BMF: variants seen among roughly 807,000 people sequenced by gnomAD.
BMF encodes bcl-2-modifying factor.
In BMF, 10 loss-of-function variants were observed where a neutral mutation model predicts 22.0. The ratio of observed to expected loss-of-function variants is 0.45; its 90% CI spans 0.28 to 0.77. The LOEUF is 0.77. Among genes scored for constraint, BMF ranks in the 30% least tolerant of loss-of-function variants. BMF has a pLI of 0.13. For missense variants in BMF, 206 were observed against 226.8 expected, an observed-to-expected ratio of 0.91 and a Z score of 0.59; for synonymous variants, 87 against 88.1, an observed-to-expected ratio of 0.99 and a Z score of 0.07.
At chr15:40,108,640 T>G (rs937726284) in intron 1 of BMF, 133 bp downstream of exon 1, 3 of 152,498 alleles carry the variant, frequency 2.0e-5, no homozygotes, top group African/African-American at 7.2e-5. Flanking sequence ...GCCCCAGTTC[T>G]TCATGGTCAC....
rs2036584070 is a variant in BMF, at chr15:40,106,182, CCTT to C, written c.-5-94_-5-92del. On this transcript the variant is annotated intron_variant, in intron 2 of 4. Coordinates refer to ENST00000354670, the MANE Select transcript of BMF (RefSeq NM_001003940.2). The surrounding 1 kb of genome is among the most constrained non-coding windows in gnomAD (Gnocchi z 4.1). Reference sequence around the variant, plus strand: ...CTTCCCTTCTTCCTACCATACTCCCCCTTCTTATTTGAGCTGGCCGGACCACAT... The same window carrying C: ...CTTCCCTTCTTCCTACCATACTCCCCCTTATTTGAGCTGGCCGGACCACAT... The C allele has an allele frequency of 7.1e-7, 1 of 1,416,548 alleles. No individual in the cohort carries two copies. 87.7% of individuals were successfully genotyped at this position (1,416,548 alleles called of 1,614,324 possible).
rs752205382 is a variant in BMF at position 40,105,798 on chromosome 15, A to T, written c.289T>A (p.Tyr97Asn). 6.2e-6 allele frequency: 10 copies of T among 1,604,934 alleles called. No individual in the cohort carries two copies. In the Admixed American group the frequency reaches 6.7e-5, roughly 11 times the overall value. Residue 97 changes from tyrosine (Y) to asparagine (N), a missense_variant, in exon 3 of 5, where the codon TAT becomes AAT. Coordinates refer to ENST00000354670, the MANE Select transcript of BMF (RefSeq NM_001003940.2). Reference sequence around the variant, plus strand: ...TCTTGAGGCTGAGAGCACTCACCATAAAAGAGTCGCTGGGGTTCCTCAGTC... The same window carrying T: ...TCTTGAGGCTGAGAGCACTCACCATTAAAGAGTCGCTGGGGTTCCTCAGTC... ...GVTEEPQRLF[Y>N]GNAGYRLPLP...
rs368911979 is a variant in BMF at position 40,092,440 on chromosome 15, C to T, written c.454-552G>A. On this transcript the variant is annotated intron_variant, in intron 4 of 4. Coordinates refer to ENST00000354670, the MANE Select transcript of BMF (RefSeq NM_001003940.2). Reference sequence around the variant, plus strand: ...TCTGATTTCATCCAGTGCAAACACGCACACACACAGACTCACACACACACA... The same window carrying T: ...TCTGATTTCATCCAGTGCAAACACGTACACACACAGACTCACACACACACA... Among the ~76,000 whole-genome samples, 10 of 147,324 alleles carry T rather than the reference C, an allele frequency of 6.8e-5. No homozygotes were observed. The East Asian group carries it at 1.7e-3, about 25-fold the overall frequency.
chr15:40,097,167 TCAAGCACCCAACTGAGCTAC>T (rs71132139), intron 4 of BMF, among the ~76,000 whole-genome samples: 142,238 of 142,828 alleles, frequency 1, 70,888 homozygotes, highest in Admixed American at 1. Flanking sequence ...AACTGAGCTA[TCAAGCACCCAACTGAGCTAC>T]CAAGCACCCA....
chr15:40,096,679 A>C (rs900708618), intron 4 of BMF, among the ~76,000 whole-genome samples: 16 of 152,180 alleles, frequency 1.1e-4, no homozygotes, highest in African/African-American at 3.6e-4. Flanking sequence ...TCCTTCACTA[A>C]AATTTTACAG....
rs1359495634 is a variant in BMF, at chr15:40,096,481, AGCAACT to A, written c.454-4599_454-4594del. ...CAAAATGCAAATTTACCAAACAGAGAGCAACTTATAATATCTCAGATACAGAACAGA... is the reference window on the plus strand; with the variant it reads ...CAAAATGCAAATTTACCAAACAGAGATATAATATCTCAGATACAGAACAGA... On this transcript the variant is annotated intron_variant, in intron 4 of 4. Transcript: ENST00000354670. Among the ~76,000 whole-genome samples the A allele has an allele frequency of 2.6e-5, 4 of 152,206 alleles. No individual in the cohort carries two copies. The South Asian group carries it at 8.3e-4, about 32-fold the overall frequency.
At chr15:40,104,820 C>T (rs57843539) in intron 3 of BMF, among the ~76,000 whole-genome samples, 4,813 of 152,216 alleles carry the variant, frequency 0.032, 263 homozygotes, top group African/African-American at 0.11. Flanking sequence ...GGCTGGTCTC[C>T]CGAAGCTCCT....
rs186772902 is a variant in BMF, at chr15:40,087,991, A to G, written c.*3796T>C. 1.3e-5 allele frequency: 2 copies of G among 152,536 alleles called. No homozygotes were observed. Among genetic ancestry groups the G allele is most frequent in the Admixed American group, 1.3e-4 (2 of 15,306 alleles). The allele number at this position is 152,536 out of a possible 1,614,324, so 9.4% of individuals were successfully genotyped here. A position where few individuals can be genotyped will look rare whatever the true frequency, so the allele number is the denominator to read the frequency against. On this transcript the variant is annotated 3_prime_UTR_variant, in exon 5 of 5. Coordinates refer to ENST00000354670, the MANE Select transcript of BMF (RefSeq NM_001003940.2). The stretch of plus-strand genomic sequence containing the variant: ...GTGAAGAACATAAACACATAAAGCC[A>G]AAGGCTCTGTACAGTTTTTTAAAAA...
In BMF at chr15:40,091,790, C is replaced by A. The variant is rs1332769148; in HGVS notation, c.552G>T (p.Arg184Ser). 1 of 1,605,090 alleles carries A rather than the reference C, an allele frequency of 6.2e-7. No homozygotes were observed. The highest frequency in any genetic ancestry group is 8.5e-7 in the Non-Finnish European group (1 of 1,176,054). ...GEENRNGAGP[R>S] ...ATGTGAAGAGGGCAGCCCACCCTCA[C>A]CTAGGGCCTGCCCCGTTCCTGTTCT... Residue 184 changes from arginine to serine, a missense_variant, in exon 5 of 5, where the codon AGG becomes AGT. Arg to Ser is a moderately radical substitution (Grantham distance 110). Coordinates refer to ENST00000354670, the MANE Select transcript of BMF (RefSeq NM_001003940.2).
chr15:40,097,778 C>T (rs1261771252), intron 4 of BMF, among the ~76,000 whole-genome samples: 2 of 152,206 alleles, frequency 1.3e-5, no homozygotes, highest in African/African-American at 4.8e-5. Flanking sequence ...AAACCTGGGA[C>T]TCACTGGCTT....
Position 40,104,309 on chromosome 15 carries a change from G to A in BMF, c.324C>T (p.Ala108=), listed in dbSNP as rs771211750. The A allele has an allele frequency of 3.1e-6, 5 of 1,614,224 alleles. No homozygotes were observed. The highest frequency in any genetic ancestry group is 4.2e-6 in the Non-Finnish European group (5 of 1,180,044). ...GNAGYRLPLP[A]SFPAVLPIGE... ...CAATGGGCAAGACTGCTGGGAAACT[G>A]GCAGGGAGAGGAAGCCGATAGCCAG... is the stretch of plus-strand genomic sequence containing the variant. Residue 108 remains alanine, a synonymous_variant, in exon 4 of 5, where the codon GCC becomes GCT. Transcript: ENST00000354670.
At chr15:40,099,421 T>C (rs2036429436) in intron 4 of BMF, among the ~76,000 whole-genome samples, 1 of 152,198 alleles carries the variant, frequency 6.6e-6, no homozygotes, top group Admixed American at 6.5e-5. Flanking sequence ...GTCCCTGACT[T>C]AATAGTTATT....
At position 40,092,520 on chromosome 15, in the gene BMF, G is replaced by A. The variant is rs16970354; in HGVS notation, c.454-632C>T. On this transcript the variant is annotated intron_variant, in intron 4 of 4. Transcript: ENST00000354670. ...TCTCCCTCCCCAGCATCTCCAGCTCGGTGCTGCCCTTTTTATAGATGCTCT... is the reference window on the plus strand; with the variant it reads ...TCTCCCTCCCCAGCATCTCCAGCTCAGTGCTGCCCTTTTTATAGATGCTCT... 1.5e-4 allele frequency among the ~76,000 whole-genome samples: 23 copies of A among 152,172 alleles called. 1 individual carries two copies. The highest frequency in any genetic ancestry group is 3.9e-4 in the African/African-American group (16 of 41,496).
At chr15:40,104,979 G>A (rs375080820) in intron 3 of BMF, among the ~76,000 whole-genome samples, 24 of 152,254 alleles carry the variant, frequency 1.6e-4, no homozygotes, top group African/African-American at 4.6e-4. Context: ...GCGCCAGTCC[G>A]CCGGGCTCCT....
At chr15:40,107,583 G>T (rs1185128813) in intron 2 of BMF, among the ~76,000 whole-genome samples, 1 of 140,046 alleles carries the variant, frequency 7.1e-6, no homozygotes, top group Non-Finnish European at 1.6e-5. Context: ...TGTATGGGGA[G>T]GGGGGTGAGG....
chr15:40,104,462 C>T, intron 3 of BMF, 122 bp from the exon 4 acceptor site: 1 of 1,278,752 alleles, frequency 7.8e-7, no homozygotes. Context: ...AGGATAGGAG[C>T]CAGCCTGCCT....
At position 40,105,915 on chromosome 15, in the gene BMF, GGCCACA is replaced by G; in HGVS notation, c.166_171del (p.Cys56_Gly57del). On this transcript the variant is annotated inframe_deletion, in exon 3 of 5. Transcript: ENST00000354670. ...TCCTGGCTGGTGGGTCGAAGGCCAGGGCCACAGCAGTGGGTGAGAGGGAAGAGCTGA... is the reference window on the plus strand; with the variant it reads ...TCCTGGCTGGTGGGTCGAAGGCCAGGGCAGTGGGTGAGAGGGAAGAGCTGA... 1 of 1,614,172 alleles carries G rather than the reference GGCCACA, an allele frequency of 6.2e-7. No homozygotes were observed.
Position 40,106,036 on chromosome 15 carries a change from T to C in BMF, c.51A>G (p.Pro17=). 6.2e-7 allele frequency: 1 copy of C among 1,613,476 alleles called. No individual in the cohort carries two copies. The highest frequency in any genetic ancestry group is 8.5e-7 in the Non-Finnish European group (1 of 1,179,908). Residue 17 remains proline (P), a synonymous_variant, in exon 3 of 5, where the codon CCA becomes CCG. Transcript: ENST00000354670. This position sits in a 1 kb window ranked among gnomAD's most constrained non-coding sequence, Gnocchi z 4.1. The part of the protein sequence containing the change: ...VEELEDDVFQ[P]EDGEPVTQPG... ...GTTGGGTCACCGGCTCCCCATCCTCTGGTTGGAACACATCATCCTCCAGCT... is the reference window on the plus strand; with the variant it reads ...GTTGGGTCACCGGCTCCCCATCCTCCGGTTGGAACACATCATCCTCCAGCT...
chr15:40,098,514 C>G (rs537532307), intron 4 of BMF, among the ~76,000 whole-genome samples: 1 of 152,192 alleles, frequency 6.6e-6, no homozygotes. Context: ...TGCAAAATAA[C>G]CCCAGGTTCT....
Sources: allele counts gnomAD v4.1 joint callset (sites outside exome capture counted in the v4.1 genomes callset), GRCh38; gene constraint gnomAD v4.1.1; non-coding constraint Gnocchi (gnomAD v3.1); transcripts MANE v1.5; gene names NCBI Gene and HGNC (gene_info 2026-07-23, HGNC 2026-07-21).